PTPRT: variants seen among roughly 807,000 people sequenced by gnomAD.
The protein encoded by PTPRT is receptor-type tyrosine-protein phosphatase T.
A neutral mutation model predicts 176.8 loss-of-function variants in PTPRT; 56 were observed. That is an observed-to-expected ratio of 0.32 (90% CI 0.26 to 0.40). PTPRT has a LOEUF of 0.40. Ranked by LOEUF, PTPRT falls within the 10% of genes least tolerant of loss-of-function variation. The pLI is 1.00. For missense variants in PTPRT, 1,540 were observed against 1,908.2 expected (o/e 0.81, Z 3.60); for synonymous variants, 783 against 739.0 (o/e 1.06, Z -0.96).
Position 42,199,253 on chromosome 20 carries a change from G to A in PTPRT, c.2478C>T (p.Asp826=), listed in dbSNP as rs751682847. The A allele has an allele frequency of 1.1e-5, 18 of 1,614,014 alleles. No individual in the cohort carries two copies. The highest frequency in any genetic ancestry group is 5.5e-5 in the South Asian group (5 of 91,038). The stretch of plus-strand genomic sequence containing the variant: ...GGCTCTACTTACTGAATCCGTTGAC[G>A]TCCTGAGAACTAGAAGAGAAGCCTT... The part of the protein sequence containing the change: ...NDEGFSSSSQ[D]VNGFTDGSRG... The change falls in exon 16 of 31, where the codon GAC becomes GAT. Residue 826 remains aspartate, a synonymous_variant. Coordinates refer to ENST00000373187, the MANE Select transcript of PTPRT (RefSeq NM_007050.6).
At chr20:42,374,455 A>G (rs1374627751) in intron 9 of PTPRT, among the ~76,000 whole-genome samples, 1 of 152,276 alleles carries the variant, frequency 6.6e-6, no homozygotes. Context: ...GAGTTTAAAA[A>G]TCATACGGTA....
chr20:42,533,694 G>C (rs949764717), intron 7 of PTPRT, among the ~76,000 whole-genome samples: 3 of 152,192 alleles, frequency 2.0e-5, no homozygotes, highest in African/African-American at 7.2e-5. Context: ...GTGACAGTGA[G>C]AATTAAATGC....
intron 9 of PTPRT, among the ~76,000 whole-genome samples, chr20:42,367,909 G>A (rs956866898): frequency 6.6e-6 from 1 of 152,218 alleles, no homozygotes; most frequent in Non-Finnish European, 1.5e-5. Flanking sequence ...ACTTCATGGT[G>A]AGAACTGGTT....
intron 2 of PTPRT, among the ~76,000 whole-genome samples, chr20:42,796,016 A>C (rs2145568339): frequency 6.6e-6 from 1 of 152,346 alleles, no homozygotes; most frequent in Middle Eastern, 3.4e-3. Context: ...ATTGTTTAGC[A>C]CCCTAATGAG....
chr20:42,840,352 ACAAT>A (rs2078256162), intron 2 of PTPRT, among the ~76,000 whole-genome samples: 1 of 152,164 alleles, frequency 6.6e-6, no homozygotes, highest in Non-Finnish European at 1.5e-5. Context: ...AAATAAGGTC[ACAAT>A]CTGAGGTATT....
chr20:42,094,246 C>T (rs1288775884), intron 27 of PTPRT, among the ~76,000 whole-genome samples: 3 of 152,198 alleles, frequency 2.0e-5, no homozygotes, highest in African/African-American at 7.2e-5. Flanking sequence ...GGCTCATGAG[C>T]TGAGTTCATT....
At chr20:42,707,515 T>C (rs1367756386) in intron 6 of PTPRT, among the ~76,000 whole-genome samples, 1 of 152,176 alleles carries the variant, frequency 6.6e-6, no homozygotes, top group Non-Finnish European at 1.5e-5. Context: ...ACAGGCTCCA[T>C]TTTTGGCTTT....
intron 7 of PTPRT, among the ~76,000 whole-genome samples, chr20:42,576,718 A>G (rs1395736094): frequency 2.0e-5 from 3 of 152,244 alleles, no homozygotes; most frequent in African/African-American, 7.2e-5. Flanking sequence ...AGAAAGACAC[A>G]AAGGAACTAA....
At chr20:42,045,044 G>C in the PTPRT span, among the ~76,000 whole-genome samples, 1 of 152,160 alleles carries the variant, frequency 6.6e-6, no homozygotes, top group African/African-American at 2.4e-5. Flanking sequence ...ATCTCTGTTT[G>C]AAGATGCTTT....
At chr20:42,547,134 G>A (rs989023186) in intron 7 of PTPRT, among the ~76,000 whole-genome samples, 7 of 152,082 alleles carry the variant, frequency 4.6e-5, no homozygotes, top group African/African-American at 1.2e-4. Flanking sequence ...GTATGCCTGT[G>A]TACGCTTTTG....
intron 7 of PTPRT, among the ~76,000 whole-genome samples, chr20:42,647,270 G>A (rs1464990591): frequency 6.6e-6 from 1 of 152,036 alleles, no homozygotes; most frequent in African/African-American, 2.4e-5. Flanking sequence ...CTTGTGATGA[G>A]AGTGTGGGCT....
chr20:42,883,820 GCACA>G (rs1286382218), intron 2 of PTPRT, among the ~76,000 whole-genome samples: 3 of 40,296 alleles, frequency 7.4e-5, no homozygotes, highest in Admixed American at 3.6e-4. Context: ...ACCCCCATAT[GCACA>G]CACACACACC....
chr20:42,529,588 G>A (rs1450990596), intron 7 of PTPRT, among the ~76,000 whole-genome samples: 1 of 152,054 alleles, frequency 6.6e-6, no homozygotes, highest in Non-Finnish European at 1.5e-5. Flanking sequence ...CCAGGTTCAA[G>A]CGATTCTCCT....
chr20:42,728,657 A>G (rs189597781), intron 6 of PTPRT, among the ~76,000 whole-genome samples: 1 of 149,334 alleles, frequency 6.7e-6, no homozygotes, highest in Non-Finnish European at 1.5e-5. Flanking sequence ...ATGAGGAAAC[A>G]GGGGCAGAAA....
chr20:42,756,811 A>C (rs1027544116), intron 5 of PTPRT, among the ~76,000 whole-genome samples, 175 bp from the exon 6 acceptor site: 1 of 152,120 alleles, frequency 6.6e-6, no homozygotes. Context: ...GTGCTTTGCA[A>C]GGGCTGAGGC....
intron 7 of PTPRT, among the ~76,000 whole-genome samples, chr20:42,560,042 C>T (rs1338021730): frequency 6.6e-6 from 1 of 152,130 alleles, no homozygotes; most frequent in African/African-American, 2.4e-5. Flanking sequence ...AAAAGAGCAT[C>T]GGCAGAAGCA....
chr20:43,014,092 A>C (rs1985261931), intron 1 of PTPRT, among the ~76,000 whole-genome samples: 1 of 152,184 alleles, frequency 6.6e-6, no homozygotes, highest in Admixed American at 6.5e-5. Flanking sequence ...TGGAGAGATA[A>C]TGATTAAAAC....
chr20:42,684,164 C>T (rs1290090876), intron 6 of PTPRT, among the ~76,000 whole-genome samples: 1 of 152,096 alleles, frequency 6.6e-6, no homozygotes, highest in Non-Finnish European at 1.5e-5. Flanking sequence ...ACCAGCCTGA[C>T]CAACATGGTG....
chr20:43,105,216 A>G (rs2012553495), intron 1 of PTPRT, among the ~76,000 whole-genome samples: 1 of 152,160 alleles, frequency 6.6e-6, no homozygotes, highest in African/African-American at 2.4e-5. Context: ...AATCAGTAAC[A>G]GGGGTCTACA....
Sources: allele counts gnomAD v4.1 joint callset (sites outside exome capture counted in the v4.1 genomes callset), GRCh38; gene constraint gnomAD v4.1.1; transcripts MANE v1.5; gene names NCBI Gene and HGNC (gene_info 2026-07-23, HGNC 2026-07-21).